The following PDE1A variants were observed in gnomAD, a reference collection of about 807,000 sequenced individuals.
PDE1A encodes dual specificity calcium/calmodulin-dependent 3',5'-cyclic nucleotide phosphodiesterase 1A.
A neutral mutation model predicts 61.7 loss-of-function variants in PDE1A; 35 were observed. The observed-to-expected ratio is 0.57, with a 90% CI of 0.43 to 0.75. PDE1A has a LOEUF of 0.75. PDE1A is among the 30% of genes least tolerant of loss of function. The probability of loss-of-function intolerance (pLI) is 0.00; values close to 1 mark genes in which losing one functional copy is unlikely to be tolerated. For synonymous variants in PDE1A, 232 were observed against 213.2 expected, an observed-to-expected ratio of 1.09 and a Z score of -0.77; for missense variants, 597 against 630.6, an observed-to-expected ratio of 0.95 and a Z score of 0.57.
intron 1 of PDE1A, among the ~76,000 whole-genome samples, chr2:182,301,168 A>G (rs897406934): frequency 6.6e-6 from 1 of 152,240 alleles, no homozygotes; most frequent in Admixed American, 6.5e-5. Flanking sequence ...AGGAAAGATG[A>G]CAAAATGTAA....
intron 1 of PDE1A, chr2:182,522,415 A>G (rs759885830): frequency 4.3e-6 from 7 of 1,612,028 alleles, no homozygotes; most frequent in Admixed American, 1.7e-5. Flanking sequence ...AGTCAGTTTC[A>G]GCAGCTAGAA....
the PDE1A span, among the ~76,000 whole-genome samples, chr2:182,673,019 G>A: frequency 6.6e-6 from 1 of 152,142 alleles, no homozygotes; most frequent in Non-Finnish European, 1.5e-5. Flanking sequence ...CTCCAGGATT[G>A]ACTCTTAGAA....
At chr2:182,186,406 TAAGGA>T in intron 12 of PDE1A, 57 bp downstream of exon 12, 3 of 1,548,556 alleles carry the variant, frequency 1.9e-6, no homozygotes, top group African/African-American at 1.4e-5. Flanking sequence ...ATATAATCAT[TAAGGA>T]AAGTGTTACT....
At chr2:182,213,921 C>A (rs1164399750) in intron 7 of PDE1A, among the ~76,000 whole-genome samples, 4 of 127,880 alleles carry the variant, frequency 3.1e-5, no homozygotes, top group African/African-American at 1.2e-4. Context: ...CAGAGAACGC[C>A]ACAAAGATAC....
rs536558358 is a variant in PDE1A, at chr2:182,474,000, A to C, written c.101+48276T>G. Among the ~76,000 whole-genome samples the C allele has an allele frequency of 1.3e-3, 191 of 152,166 alleles. 2 individuals are homozygous for C. Among genetic ancestry groups the C allele is most frequent in the African/African-American group, 4.5e-3 (186 of 41,552 alleles). On this transcript the variant is annotated intron_variant, in intron 2 of 14. Coordinates refer to the PDE1A transcript ENST00000410103. Reference sequence around the variant, plus strand: ...ATGATTTATATTCCTTTGGGTATATACCCAGTAATGGGGTTGCTGTGTCAA... The same window carrying C: ...ATGATTTATATTCCTTTGGGTATATCCCCAGTAATGGGGTTGCTGTGTCAA...
intron 4 of PDE1A, 48 bp from the exon 5 acceptor site, chr2:182,231,179 C>T: frequency 1.1e-6 from 1 of 936,510 alleles, no homozygotes; most frequent in African/African-American, 1.6e-5. Flanking sequence ...CATACTGTTT[C>T]TACGAGAATT....
chr2:182,433,583 A>T (rs1257761790), intron 2 of PDE1A, among the ~76,000 whole-genome samples: 1 of 152,036 alleles, frequency 6.6e-6, no homozygotes, highest in Admixed American at 6.6e-5. Context: ...GGGGCTCAAA[A>T]TTTCCATTTA....
chr2:182,518,662 T>C (rs1690367305), intron 2 of PDE1A, among the ~76,000 whole-genome samples: 1 of 152,154 alleles, frequency 6.6e-6, no homozygotes. Context: ...CTGAAGGAAC[T>C]GGGGCAGTAA....
At chr2:182,422,452 G>C (rs1703339590) in intron 1 of PDE1A, among the ~76,000 whole-genome samples, 1 of 152,160 alleles carries the variant, frequency 6.6e-6, no homozygotes, top group Non-Finnish European at 1.5e-5. Flanking sequence ...CAAAAGCCCA[G>C]GCTTAAATGG....
At chr2:182,240,070 T>C in intron 3 of PDE1A, 40 bp downstream of exon 3, 1 of 1,573,820 alleles carries the variant, frequency 6.4e-7, no homozygotes, top group Non-Finnish European at 8.7e-7. Context: ...CTGCTGCCTT[T>C]CAAATGTTAC....
chr2:182,590,833 C>T, the PDE1A span, among the ~76,000 whole-genome samples: 16 of 152,114 alleles, frequency 1.1e-4, no homozygotes, highest in Non-Finnish European at 2.4e-4. Context: ...TATTTGCACC[C>T]ACTAATTTGC....
chr2:182,305,083 C>G (rs1287858433), intron 1 of PDE1A, among the ~76,000 whole-genome samples: 1 of 152,122 alleles, frequency 6.6e-6, no homozygotes, highest in African/African-American at 2.4e-5. Flanking sequence ...ACCAAGAAAA[C>G]ACATGAATTA....
At chr2:182,709,112 G>A in the PDE1A span, among the ~76,000 whole-genome samples, 1 of 151,754 alleles carries the variant, frequency 6.6e-6, no homozygotes, top group African/African-American at 2.4e-5. Context: ...TAGACTTCAT[G>A]ATCTCAAAGA....
chr2:182,461,955 T>A (rs561931025), intron 2 of PDE1A, among the ~76,000 whole-genome samples: 2 of 152,276 alleles, frequency 1.3e-5, no homozygotes, highest in South Asian at 4.1e-4. Flanking sequence ...TCTTATAGCT[T>A]TGATTGGGTT....
chr2:182,147,848 T>C (rs1004418418), intron 13 of PDE1A, among the ~76,000 whole-genome samples: 1 of 152,224 alleles, frequency 6.6e-6, no homozygotes, highest in Admixed American at 6.5e-5. Context: ...TCATATACAA[T>C]GAAAGTTTCT....
the PDE1A span, among the ~76,000 whole-genome samples, chr2:182,677,438 CA>C: frequency 1.3e-5 from 2 of 152,178 alleles, no homozygotes; most frequent in Non-Finnish European, 2.9e-5. Flanking sequence ...ATTCCATGTT[CA>C]TGTATAAGAA....
chr2:182,522,583 C>T (rs192269545), intron 1 of PDE1A: 2 of 1,372,262 alleles, frequency 1.5e-6, no homozygotes, highest in East Asian at 2.7e-5. Context: ...TCACCACCCC[C>T]CTAAGCAGAC....
intron 2 of PDE1A, among the ~76,000 whole-genome samples, chr2:182,503,634 C>T (rs554627109): frequency 6.6e-6 from 1 of 152,242 alleles, no homozygotes; most frequent in South Asian, 2.1e-4. Flanking sequence ...TGGTGTCACT[C>T]ACTATTCACT....
intron 2 of PDE1A, among the ~76,000 whole-genome samples, chr2:182,511,286 A>G (rs1689767352): frequency 6.6e-6 from 1 of 152,010 alleles, no homozygotes; most frequent in South Asian, 2.1e-4. Flanking sequence ...GCAGATCTTC[A>G]GAAGGGCATT....
Sources: gnomAD v4.1 joint callset for allele counts (sites outside exome capture counted in the v4.1 genomes callset) on GRCh38, gnomAD v4.1.1 for gene constraint, MANE v1.5 for transcripts, NCBI Gene and HGNC (gene_info 2026-07-23, HGNC 2026-07-21) for gene names.